The following GRK4 variants were observed in gnomAD, a reference collection of about 807,000 sequenced individuals.
GRK4 encodes G protein-coupled receptor kinase 4.
A neutral mutation model predicts 77.9 loss-of-function variants in GRK4; 73 were observed. The observed-to-expected ratio is 0.94, with a 90% CI of 0.78 to 1.14. The LOEUF (loss-of-function observed/expected upper bound fraction) is 1.14. Among genes scored for constraint, GRK4 ranks in the 50% most tolerant of loss-of-function variants. The probability of loss-of-function intolerance (pLI) is 0.00; values close to 1 mark genes in which losing one functional copy is unlikely to be tolerated. For missense variants in GRK4, 729 were observed against 700.2 expected, an observed-to-expected ratio of 1.04 and a Z score of -0.46; for synonymous variants, 257 against 254.4, an observed-to-expected ratio of 1.01 and a Z score of -0.10.
At chr4:2,968,857 T>A (rs151010060) in intron 1 of GRK4, among the ~76,000 whole-genome samples, 1 of 152,098 alleles carries the variant, frequency 6.6e-6, no homozygotes, top group Admixed American at 6.5e-5. Flanking sequence ...TTATTTTATT[T>A]ATCTGATTTT....
At chr4:2,988,944 GA>G in intron 3 of GRK4, 105 bp downstream of exon 3, 1 of 709,390 alleles carries the variant, frequency 1.4e-6, no homozygotes. Context: ...CAGCATTTTG[GA>G]AGGCTGAGGC....
chr4:2,991,907 C>T (rs1726297785), intron 3 of GRK4, among the ~76,000 whole-genome samples: 1 of 152,148 alleles, frequency 6.6e-6, no homozygotes, highest in African/African-American at 2.4e-5. Context: ...AAAAAACTGA[C>T]TTCTTCCGCC....
chr4:3,014,869 C>G (rs959897781), intron 8 of GRK4, among the ~76,000 whole-genome samples: 1 of 152,134 alleles, frequency 6.6e-6, no homozygotes, highest in African/African-American at 2.4e-5. Flanking sequence ...TCAAGTGATC[C>G]ACCTGCCTCA....
At chr4:3,028,030 C>G in intron 11 of GRK4, 29 bp downstream of exon 11, 1 of 1,600,276 alleles carries the variant, frequency 6.2e-7, no homozygotes, top group South Asian at 1.1e-5. Context: ...GCGTCCTTGT[C>G]CTTTCTATCC....
intron 14 of GRK4, 59 bp downstream of exon 14, chr4:3,037,570 GGTGTGTGTGTGTCCGTGTGTGT>G (rs1741111780): frequency 4.6e-6 from 7 of 1,521,036 alleles, no homozygotes; most frequent in Non-Finnish European, 6.3e-6. Context: ...CAGGGAAAAG[GGTGTGTGTGTGTCCGTGTGTGT>G]GTGTGTGTCT....
At chr4:2,989,992 A>C (rs1385202671) in intron 3 of GRK4, among the ~76,000 whole-genome samples, 1 of 152,176 alleles carries the variant, frequency 6.6e-6, no homozygotes, top group Non-Finnish European at 1.5e-5. Flanking sequence ...GGCCTGTCTT[A>C]ATTGTATCGG....
rs143682651 is a variant in GRK4 at position 2,965,148 on chromosome 4, T to C, written c.52+1026T>C. The stretch of plus-strand genomic sequence containing the variant: ...GCTTATAAAAATCCTGCTTAGTCTT[T>C]GTTCAAGGCTCAGCTTTTTGGATGT... On this transcript the variant is annotated intron_variant, in intron 1 of 15. Transcript: ENST00000398052. The C allele has an allele frequency of 1.3e-4, 82 of 621,048 alleles. No individual in the cohort carries two copies. The African/African-American group carries it at 1.4e-3, about 11-fold the overall frequency. The allele number at this position is 621,048 out of a possible 1,614,324, so 38.5% of individuals were successfully genotyped here.
In GRK4 at chr4:3,029,265, G is replaced by T. The variant is rs1369285941; in HGVS notation, c.1125G>T (p.Leu375=). The T allele has an allele frequency of 2.5e-6, 4 of 1,614,178 alleles. No individual in the cohort carries two copies. The highest frequency in any genetic ancestry group is 1.3e-5 in the African/African-American group (1 of 75,056). Residue 375 remains leucine, a synonymous_variant, in exon 12 of 16, where the codon CTG becomes CTT. Coordinates refer to ENST00000398052, the MANE Select transcript of GRK4 (RefSeq NM_182982.3). Reference sequence around the variant, plus strand: ...CCGATTGGTGGGGACTTGGCTGTCTGATCTATGAAATGATTCAGGGACATT... The same window carrying T: ...CCGATTGGTGGGGACTTGGCTGTCTTATCTATGAAATGATTCAGGGACATT... The part of the protein sequence containing the change: ...FSPDWWGLGC[L]IYEMIQGHSP...
intron 8 of GRK4, among the ~76,000 whole-genome samples, chr4:3,015,313 C>G (rs146269224): frequency 2.8e-3 from 419 of 152,330 alleles, no homozygotes; most frequent in Middle Eastern, 0.017. Context: ...CCATTTATTT[C>G]TTAGCCCGGA....
intron 4 of GRK4, among the ~76,000 whole-genome samples, chr4:3,001,691 C>T (rs1011355061): frequency 5.3e-5 from 8 of 152,064 alleles, no homozygotes; most frequent in Admixed American, 5.2e-4. Flanking sequence ...TGAAATGCCT[C>T]AAATGTATTA....
intron 13 of GRK4, among the ~76,000 whole-genome samples, chr4:3,036,613 C>G (rs1307981877): frequency 6.6e-6 from 1 of 152,208 alleles, no homozygotes; most frequent in Non-Finnish European, 1.5e-5. Flanking sequence ...AGGTGGAGAC[C>G]CGGACCTTGG....
intron 1 of GRK4, among the ~76,000 whole-genome samples, chr4:2,972,935 A>T (rs551522847): frequency 7.2e-4 from 109 of 152,256 alleles, no homozygotes; most frequent in Middle Eastern, 3.4e-3. Context: ...GGGTTTCACC[A>T]TGTTGCCCTG....
At chr4:2,997,916 A>C (rs1728414782) in intron 4 of GRK4, among the ~76,000 whole-genome samples, 1 of 151,760 alleles carries the variant, frequency 6.6e-6, no homozygotes, top group South Asian at 2.1e-4. Flanking sequence ...TCCAAAAAAA[A>C]AAAAAAAAAG....
intron 2 of GRK4, chr4:2,986,989 A>G: frequency 2.9e-6 from 1 of 347,078 alleles, no homozygotes; most frequent in Middle Eastern, 3.9e-4. Context: ...CAACTTATCC[A>G]TTTAAAGTAT....
At chr4:3,002,043 G>A (rs1019269748) in intron 4 of GRK4, among the ~76,000 whole-genome samples, 3 of 152,174 alleles carry the variant, frequency 2.0e-5, no homozygotes, top group Non-Finnish European at 4.4e-5. Flanking sequence ...CTGTGAGTGG[G>A]AATACAGAGT....
intron 1 of GRK4, 75 bp from the exon 2 acceptor site, chr4:2,984,438 T>C (rs903112179): frequency 5.6e-5 from 43 of 768,326 alleles, no homozygotes; most frequent in South Asian, 3.2e-4. Flanking sequence ...TGTTAAGATA[T>C]ATTGGTGGAA....
chr4:2,999,562 A>G (rs1410085714), intron 4 of GRK4, among the ~76,000 whole-genome samples: 1 of 152,202 alleles, frequency 6.6e-6, no homozygotes, highest in African/African-American at 2.4e-5. Flanking sequence ...ATGGTACTGG[A>G]ACAACTGGAT....
chr4:3,013,013 C>T (rs536354837), intron 7 of GRK4, among the ~76,000 whole-genome samples: 9 of 150,432 alleles, frequency 6.0e-5, no homozygotes, highest in Non-Finnish European at 1.2e-4. Context: ...GGCATGGTGG[C>T]GGGCACCTGT....
chr4:3,018,972 T>G (rs896075799), intron 8 of GRK4, among the ~76,000 whole-genome samples: 1 of 152,146 alleles, frequency 6.6e-6, no homozygotes, highest in Non-Finnish European at 1.5e-5. Context: ...TTTTCCCTAA[T>G]TGATCTGTAG....
Sources: allele counts gnomAD v4.1 joint callset (sites outside exome capture counted in the v4.1 genomes callset), GRCh38; gene constraint gnomAD v4.1.1; transcripts MANE v1.5; gene names NCBI Gene and HGNC (gene_info 2026-07-23, HGNC 2026-07-21).